SLC25A12: variants seen among roughly 807,000 people sequenced by gnomAD.
The protein encoded by SLC25A12 is solute carrier family 25 member 12.
Under a neutral mutation model 83.3 loss-of-function variants are expected in SLC25A12, and 32 were observed. That is an observed-to-expected ratio of 0.38 (90% CI 0.29 to 0.52). The LOEUF (loss-of-function observed/expected upper bound fraction) is 0.52, where lower values mean the gene tolerates loss of function less well. Among genes scored for constraint, SLC25A12 ranks in the 20% least tolerant of loss-of-function variants. SLC25A12 has a pLI of 0.84. For synonymous variants in SLC25A12, 267 were observed against 291.1 expected (o/e 0.92, Z 0.84); for missense variants, 611 against 835.6 (o/e 0.73, Z 3.31).
intron 9 of SLC25A12, among the ~76,000 whole-genome samples, chr2:171,819,229 ATG>A (rs1428348043): frequency 8.2e-5 from 11 of 133,402 alleles, no homozygotes; most frequent in African/African-American, 3.1e-4. Flanking sequence ...CATATTATAT[ATG>A]TATATAATAT....
intron 2 of SLC25A12, among the ~76,000 whole-genome samples, chr2:171,873,319 G>A (rs1685495810): frequency 6.6e-6 from 1 of 152,060 alleles, no homozygotes; most frequent in African/African-American, 2.4e-5. Flanking sequence ...GTGGTGGCAC[G>A]CACCTGTAGA....
At chr2:171,817,827 T>C (rs1334027016) in intron 9 of SLC25A12, among the ~76,000 whole-genome samples, 1 of 151,994 alleles carries the variant, frequency 6.6e-6, no homozygotes, top group African/African-American at 2.4e-5. Flanking sequence ...ATATAAAAGG[T>C]TTCTCCTGTA....
chr2:171,832,809 T>G lies in SLC25A12; in HGVS notation c.845+1154A>C, dbSNP rs567749618. On this transcript the variant is annotated intron_variant, in intron 8 of 17. Coordinates refer to ENST00000422440, the MANE Select transcript of SLC25A12 (RefSeq NM_003705.5). ...CCTTGGCAGCAGTCACTGTACAAAA[T>G]AGAAGGAGACTGGATCTCCTAACTG... Among the ~76,000 whole-genome samples the G allele has an allele frequency of 9.2e-5, 14 of 152,306 alleles. No homozygotes were observed. The East Asian group carries it at 2.7e-3, about 29-fold the overall frequency.
At chr2:171,788,680 A>T (rs1690535071) in intron 15 of SLC25A12, 1 of 152,530 alleles carries the variant, frequency 6.6e-6, no homozygotes, top group Non-Finnish European at 1.5e-5. Context: ...AGAGCAAAGG[A>T]GCAAAATAAT....
At chr2:171,837,434 A>G (rs3765167) in intron 5 of SLC25A12, among the ~76,000 whole-genome samples, 167 bp from the exon 6 acceptor site, 32,592 of 152,184 alleles carry the variant, frequency 0.21, 4,204 homozygotes, top group East Asian at 0.57. Context: ...TTCAAAAAGC[A>G]TGAGCTTTCT....
At chr2:171,865,352 T>C (rs901156246) in intron 3 of SLC25A12, among the ~76,000 whole-genome samples, 1 of 152,212 alleles carries the variant, frequency 6.6e-6, no homozygotes, top group Admixed American at 6.5e-5. Flanking sequence ...AGTTTAATTA[T>C]ACAACTAGTA....
chr2:171,837,402 T>C (rs1197854347), intron 5 of SLC25A12, 135 bp from the exon 6 acceptor site: 1 of 927,768 alleles, frequency 1.1e-6, no homozygotes, highest in Non-Finnish European at 1.7e-6. Context: ...GATCTGAATT[T>C]GCAACAAAAC....
intron 9 of SLC25A12, among the ~76,000 whole-genome samples, chr2:171,820,885 C>T (rs544800916): frequency 2.0e-5 from 3 of 152,104 alleles, no homozygotes; most frequent in African/African-American, 7.2e-5. Context: ...TATCTCACTT[C>T]CCTCAAATCA....
At chr2:171,852,762 G>A in intron 4 of SLC25A12, 1 of 417,502 alleles carries the variant, frequency 2.4e-6, no homozygotes, top group South Asian at 1.8e-5. Context: ...CTTGAAATAA[G>A]CAGTGCCTAG....
chr2:171,825,624 G>A (rs188709821), intron 9 of SLC25A12, among the ~76,000 whole-genome samples: 232 of 151,946 alleles, frequency 1.5e-3, no homozygotes, highest in African/African-American at 5.3e-3. Context: ...CCCTCCCCAC[G>A]TCGCCTTGCC....
intron 5 of SLC25A12, among the ~76,000 whole-genome samples, chr2:171,843,359 T>G (rs1684721343): frequency 6.6e-6 from 1 of 152,014 alleles, no homozygotes; most frequent in Non-Finnish European, 1.5e-5. Flanking sequence ...TTAGGCCAGG[T>G]GCAGTGGTTC....
At chr2:171,859,166 T>G (rs1480292969) in intron 3 of SLC25A12, among the ~76,000 whole-genome samples, 1 of 152,172 alleles carries the variant, frequency 6.6e-6, no homozygotes, top group East Asian at 1.9e-4. Flanking sequence ...CTGGCATTAG[T>G]AAGTAGACCA....
intron 13 of SLC25A12, among the ~76,000 whole-genome samples, chr2:171,808,488 CA>C (rs1253172588): frequency 1.3e-5 from 2 of 152,244 alleles, no homozygotes; most frequent in African/African-American, 4.8e-5. Flanking sequence ...ATGGCTTACT[CA>C]GTCCTATACC....
Position 171,837,273 on chromosome 2 carries a change from A to C in SLC25A12, c.466-6T>G. 1 of 1,613,984 alleles carries C rather than the reference A, an allele frequency of 6.2e-7. No homozygotes were observed. Among genetic ancestry groups the C allele is most frequent in the Non-Finnish European group, 8.5e-7 (1 of 1,179,916 alleles). ...GCATGTTCCAATTGCAGCTCCTGTG[A>C]GGAAATTAGAAATAGGGCATTAAGC... is the stretch of plus-strand genomic sequence containing the variant. On this transcript the variant is annotated splice_polypyrimidine_tract_variant and splice_region_variant and intron_variant, in intron 5 of 17. Coordinates refer to ENST00000422440, the MANE Select transcript of SLC25A12 (RefSeq NM_003705.5).
Position 171,868,814 on chromosome 2 carries a change from T to C in SLC25A12, c.76A>G (p.Thr26Ala), listed in dbSNP as rs1473627134. 6.2e-7 allele frequency: 1 copy of C among 1,610,392 alleles called. No individual in the cohort carries two copies. Among genetic ancestry groups the C allele is most frequent in the East Asian group, 2.2e-5 (1 of 44,848 alleles). Reference protein sequence around the residue: ...LRNIFLQYASTEVDGERYMTP... With the variant: ...LRNIFLQYASAEVDGERYMTP... ...ATATAACGCTCTCCATCAACCTCAGTACTGGCATACTAAAAAAATAAATAA... is the reference window on the plus strand; with the variant it reads ...ATATAACGCTCTCCATCAACCTCAGCACTGGCATACTAAAAAAATAAATAA... Residue 26 changes from threonine to alanine, a missense_variant, in exon 3 of 18, where the codon ACT becomes GCT. Physicochemically the swap from Thr to Ala is moderately conservative, Grantham distance 58. Transcript: ENST00000422440.
intron 8 of SLC25A12, 85 bp from the exon 9 acceptor site, chr2:171,826,967 A>G: frequency 1.3e-6 from 1 of 789,656 alleles, no homozygotes; most frequent in Non-Finnish European, 2.2e-6. Context: ...AAAAAACAAA[A>G]AACAGTGAAC....
chr2:171,872,320 C>CA (rs1354554832), intron 2 of SLC25A12, among the ~76,000 whole-genome samples: 1 of 151,732 alleles, frequency 6.6e-6, no homozygotes, highest in African/African-American at 2.4e-5. Context: ...AAAGAAAAAG[C>CA]AAACTGTAAG....
intron 14 of SLC25A12, among the ~76,000 whole-genome samples, chr2:171,791,859 TC>T (rs1302280602): frequency 1.3e-5 from 2 of 152,206 alleles, no homozygotes. Flanking sequence ...ATGATAGTAT[TC>T]TGAAAACTAA....
chr2:171,850,348 T>G lies in SLC25A12; in HGVS notation c.325+5486A>C, dbSNP rs926519479. On this transcript the variant is annotated intron_variant, in intron 4 of 17. Coordinates refer to ENST00000422440, the MANE Select transcript of SLC25A12 (RefSeq NM_003705.5). Reference sequence around the variant, plus strand: ...CCAGGCTGGTCTTTGTTTTTTTTTTTTTTTTTTTTTTTTTTGAGATGGAGT... The same window carrying G: ...CCAGGCTGGTCTTTGTTTTTTTTTTGTTTTTTTTTTTTTTTGAGATGGAGT... Among the ~76,000 whole-genome samples the G allele has an allele frequency of 5.2e-5, 7 of 133,416 alleles. No homozygotes were observed. The South Asian group carries it at 8.2e-4, about 16-fold the overall frequency. 87.5% of individuals were successfully genotyped at this position (133,416 alleles called of 152,430 possible).
Sources: gnomAD v4.1 joint callset for allele counts (sites outside exome capture counted in the v4.1 genomes callset) on GRCh38, gnomAD v4.1.1 for gene constraint, MANE v1.5 for transcripts, NCBI Gene and HGNC (gene_info 2026-07-23, HGNC 2026-07-21) for gene names.